The following CBFA2T3 variants were observed in gnomAD, a reference collection of about 807,000 sequenced individuals.
The protein encoded by CBFA2T3 is transcriptional corepressor CBFA2T3.
CBFA2T3 carries 31 observed loss-of-function variants against 58.6 expected under a neutral mutation model. The observed-to-expected ratio is 0.53, with a 90% CI of 0.40 to 0.71. The LOEUF (loss-of-function observed/expected upper bound fraction) is 0.71, where lower values mean the gene tolerates loss of function less well. Ranked by LOEUF, CBFA2T3 falls within the 30% of genes least tolerant of loss-of-function variation. The pLI is 0.00. For missense variants in CBFA2T3, 1,076 were observed against 963.1 expected, an observed-to-expected ratio of 1.12 and a Z score of -1.55; for synonymous variants, 531 against 421.9, an observed-to-expected ratio of 1.26 and a Z score of -3.17.
chr16:88,896,669 G>A (rs1969898743), intron 3 of CBFA2T3, among the ~76,000 whole-genome samples: 1 of 152,216 alleles, frequency 6.6e-6, no homozygotes, highest in African/African-American at 2.4e-5. Context: ...CACCATGGGA[G>A]ACCTCACTGC....
chr16:88,886,178 A>AG lies in CBFA2T3; in HGVS notation c.712-37dup, dbSNP rs1266931447. 2.7e-6 allele frequency: 4 copies of AG among 1,464,004 alleles called. No homozygotes were observed. The African/African-American group carries it at 5.6e-5, about 20-fold the overall frequency. The allele number at this position is 1,464,004 out of a possible 1,614,324, so 90.7% of individuals were successfully genotyped here. ...GGGAAGGAGGGCCTGGGTAGCATGC[A>AG]GGGGTGCACAGCCCTGCTCAGGTCC... On this transcript the variant is annotated intron_variant, in intron 5 of 11. Transcript: ENST00000268679.
rs1040235752 is a variant in CBFA2T3, at chr16:88,885,383, G to A, written c.894-114C>T. On this transcript the variant is annotated intron_variant, in intron 6 of 11. Transcript: ENST00000268679. This position sits in a 1 kb window ranked among gnomAD's most constrained non-coding sequence, Gnocchi z 5.3. ...GGGCAGAGAGAAAGAGGACACGTAA[G>A]GGCGAGACAGAAACACGGAGCAAAA... 53 of 666,992 alleles carry A rather than the reference G, an allele frequency of 7.9e-5. No homozygotes were observed. In the African/African-American group the frequency reaches 9.0e-4, roughly 11 times the overall value. 41.3% of individuals were successfully genotyped at this position (666,992 alleles called of 1,614,324 possible).
chr16:88,886,298 T>G, intron 5 of CBFA2T3, 156 bp from the exon 6 acceptor site: 6 of 353,678 alleles, frequency 1.7e-5, no homozygotes, highest in South Asian at 4.4e-5. Flanking sequence ...TCAAGTTCCT[T>G]CCTAGCAGTG....
chr16:88,934,778 C>T (rs1009341191), intron 1 of CBFA2T3, among the ~76,000 whole-genome samples: 9 of 152,206 alleles, frequency 5.9e-5, no homozygotes, highest in African/African-American at 1.2e-4. Context: ...CTCGCTCTGT[C>T]GCCCAGGCTG....
rs1435561700 is a variant in CBFA2T3 at position 88,916,462 on chromosome 16, GTA to G, written c.152-14808_152-14807del. 3.6e-3 allele frequency among the ~76,000 whole-genome samples: 545 copies of G among 152,280 alleles called. 1 individual carries two copies. The highest frequency in any genetic ancestry group is 0.013 in the African/African-American group (524 of 41,530). The stretch of plus-strand genomic sequence containing the variant: ...TGTGCACTCACGTGCACATGTGGGT[GTA>G]TGTGTGCGTGTGTATTCCTGTGTGT... On this transcript the variant is annotated intron_variant, in intron 1 of 11. Transcript: ENST00000268679.
At chr16:88,969,733 G>A (rs1315139749) in intron 1 of CBFA2T3, among the ~76,000 whole-genome samples, 1 of 152,214 alleles carries the variant, frequency 6.6e-6, no homozygotes, top group Non-Finnish European at 1.5e-5. Flanking sequence ...TGGCTGCCAG[G>A]GTGCGAGTGG....
At chr16:88,931,268 T>C (rs1362324272) in intron 1 of CBFA2T3, among the ~76,000 whole-genome samples, 1 of 152,094 alleles carries the variant, frequency 6.6e-6, no homozygotes, top group African/African-American at 2.4e-5. Context: ...ACTCCAGCCC[T>C]GGCTCTGTGA....
intron 1 of CBFA2T3, among the ~76,000 whole-genome samples, chr16:88,909,220 G>C (rs1385279007): frequency 6.6e-6 from 1 of 152,236 alleles, no homozygotes; most frequent in Non-Finnish European, 1.5e-5. Context: ...GGTGCAGGCA[G>C]GGCTCGGAGA....
At chr16:88,969,403 G>C (rs1001512468) in intron 1 of CBFA2T3, among the ~76,000 whole-genome samples, 2 of 152,260 alleles carry the variant, frequency 1.3e-5, no homozygotes, top group African/African-American at 4.8e-5. Flanking sequence ...GGGAGGCCTG[G>C]TGTCTGCAGG....
Position 88,882,702 on chromosome 16 carries a change from C to T in CBFA2T3, c.1177G>A (p.Ala393Thr). 6.3e-7 allele frequency: 1 copy of T among 1,589,172 alleles called. No individual in the cohort carries two copies. Among genetic ancestry groups the T allele is most frequent in the South Asian group, 1.1e-5 (1 of 87,270 alleles). ...IDHKLTEREW[A>T]EEWKHLNNLL... is the part of the protein sequence containing the mutation. ...TTGTTGAGGTGCTTCCACTCTTCTG[C>T]CCACTCACGCTCTGTGAGCTTGTGG... The change falls in exon 8 of 12, where the codon GCA (alanine) becomes ACA (threonine). Residue 393 changes from alanine to threonine, a missense_variant. By Grantham distance (58) the Ala-to-Thr change is moderately conservative. Coordinates refer to ENST00000268679, the MANE Select transcript of CBFA2T3 (RefSeq NM_005187.6).
chr16:88,943,524 G>A (rs1164332450), intron 1 of CBFA2T3, among the ~76,000 whole-genome samples: 1 of 152,202 alleles, frequency 6.6e-6, no homozygotes. Flanking sequence ...GTGGTGGCGT[G>A]GTAGAGAAGA....
intron 1 of CBFA2T3, among the ~76,000 whole-genome samples, chr16:88,944,619 C>A (rs754392646): frequency 2.0e-5 from 3 of 152,268 alleles, no homozygotes; most frequent in African/African-American, 7.2e-5. Flanking sequence ...CCTGATCCCC[C>A]TCCCCAAAGG....
chr16:88,883,944 C>T (rs1044896902), intron 7 of CBFA2T3: 4 of 152,284 alleles, frequency 2.6e-5, no homozygotes, highest in African/African-American at 9.6e-5. Flanking sequence ...TTTTCAGCCC[C>T]TAAAGATCTC....
At chr16:88,950,153 CT>C in intron 1 of CBFA2T3, 1 of 455,666 alleles carries the variant, frequency 2.2e-6, no homozygotes, top group Middle Eastern at 4.2e-4. Context: ...TCTGCTTGTT[CT>C]GCGTTTCCCT....
chr16:88,932,240 G>A lies in CBFA2T3; in HGVS notation c.152-30584C>T, dbSNP rs1426657983. Among the ~76,000 whole-genome samples, 39 of 94,204 alleles carry A rather than the reference G, an allele frequency of 4.1e-4. 1 individual carries two copies. The highest frequency in any genetic ancestry group is 1.8e-3 in the African/African-American group (38 of 20,892). The allele number at this position is 94,204 out of a possible 152,430, so 61.8% of individuals were successfully genotyped here. ...CCCGCTTCCCCCTCACATGGCCCCCGCTTCCCCCTCACACGGCCCCCACTT... is the reference window on the plus strand; with the variant it reads ...CCCGCTTCCCCCTCACATGGCCCCCACTTCCCCCTCACACGGCCCCCACTT... On this transcript the variant is annotated intron_variant, in intron 1 of 11. Transcript: ENST00000268679.
intron 1 of CBFA2T3, chr16:88,939,553 C>T (rs1369127898): frequency 6.6e-6 from 1 of 152,358 alleles, no homozygotes; most frequent in African/African-American, 2.4e-5. Flanking sequence ...TCCCAAATAG[C>T]ATGGCTTTTC....
chr16:88,961,350 G>C (rs1370875113), intron 1 of CBFA2T3, among the ~76,000 whole-genome samples: 1 of 152,152 alleles, frequency 6.6e-6, no homozygotes, highest in African/African-American at 2.4e-5. Context: ...CATAGTGACT[G>C]ACCCTCAGCA....
chr16:88,904,426 G>A (rs537407346), intron 1 of CBFA2T3, among the ~76,000 whole-genome samples: 13 of 152,276 alleles, frequency 8.5e-5, no homozygotes, highest in South Asian at 6.2e-4. Context: ...AGTGTGCTGC[G>A]GGCCGGGATC....
At chr16:88,927,540 G>C (rs1401257312) in intron 1 of CBFA2T3, among the ~76,000 whole-genome samples, 1 of 152,204 alleles carries the variant, frequency 6.6e-6, no homozygotes, top group Non-Finnish European at 1.5e-5. Flanking sequence ...GGCATCCAGG[G>C]AGACAGCGAC....
Sources: allele counts gnomAD v4.1 joint callset (sites outside exome capture counted in the v4.1 genomes callset), GRCh38; gene constraint gnomAD v4.1.1; non-coding constraint Gnocchi (gnomAD v3.1); transcripts MANE v1.5; gene names NCBI Gene and HGNC (gene_info 2026-07-23, HGNC 2026-07-21).